Variants in FUT9 observed in about 807,000 individuals in gnomAD.
The protein encoded by FUT9 is 4-galactosyl-N-acetylglucosaminide 3-alpha-L-fucosyltransferase 9.
In FUT9, 15 loss-of-function variants were observed where a neutral mutation model predicts 29.7. The ratio of observed to expected loss-of-function variants is 0.51; its 90% CI spans 0.34 to 0.78. The LOEUF (loss-of-function observed/expected upper bound fraction) is 0.78. Ranked by LOEUF, FUT9 falls within the 30% of genes least tolerant of loss-of-function variation. The probability of loss-of-function intolerance (pLI) is 0.01; values close to 1 mark genes in which losing one functional copy is unlikely to be tolerated. For synonymous variants in FUT9, 169 were observed against 153.7 expected, an observed-to-expected ratio of 1.10 and a Z score of -0.74; for missense variants, 319 against 425.4, an observed-to-expected ratio of 0.75 and a Z score of 2.20.
chr6:96,068,392 G>C (rs960646793), intron 1 of FUT9, among the ~76,000 whole-genome samples: 1 of 152,092 alleles, frequency 6.6e-6, no homozygotes, highest in African/African-American at 2.4e-5. Flanking sequence ...ATGCAAAGAC[G>C]GGTGAGTTAA....
chr6:96,068,084 A>T (rs1770993553), intron 1 of FUT9, among the ~76,000 whole-genome samples: 1 of 152,274 alleles, frequency 6.6e-6, no homozygotes, highest in Middle Eastern at 3.4e-3. Context: ...ATTTTGAAGA[A>T]AATATAATGA....
At chr6:96,025,190 TC>T (rs1770142860) in intron 1 of FUT9, among the ~76,000 whole-genome samples, 1 of 151,760 alleles carries the variant, frequency 6.6e-6, no homozygotes. Context: ...GGTAGAAGCT[TC>T]TGCCTACCCA....
chr6:96,098,453 C>T (rs546897053), intron 1 of FUT9, among the ~76,000 whole-genome samples: 2 of 152,258 alleles, frequency 1.3e-5, no homozygotes, highest in South Asian at 4.1e-4. Context: ...ACCTAAAAGA[C>T]TATAGCTAGC....
chr6:96,087,520 C>T (rs1432059609), intron 1 of FUT9, among the ~76,000 whole-genome samples: 1 of 151,974 alleles, frequency 6.6e-6, no homozygotes, highest in Non-Finnish European at 1.5e-5. Context: ...GCGCGTGCCA[C>T]AATGCCCAGC....
intron 2 of FUT9, among the ~76,000 whole-genome samples, chr6:96,201,696 T>C (rs1320979365): frequency 6.6e-6 from 1 of 151,982 alleles, no homozygotes; most frequent in Non-Finnish European, 1.5e-5. Flanking sequence ...ATTCCAAGGA[T>C]TGATTAATAA....
chr6:96,172,071 G>A (rs1352334583), intron 2 of FUT9, among the ~76,000 whole-genome samples: 2 of 152,104 alleles, frequency 1.3e-5, no homozygotes, highest in East Asian at 3.9e-4. Context: ...CAAGATCAGG[G>A]TGTGAGCTTG....
At chr6:96,121,476 G>A (rs1395070079) in intron 2 of FUT9, among the ~76,000 whole-genome samples, 1 of 152,160 alleles carries the variant, frequency 6.6e-6, no homozygotes, top group Non-Finnish European at 1.5e-5. Context: ...ACACTGTGGA[G>A]TGAATATTTA....
chr6:96,080,693 G>A (rs554427774), intron 1 of FUT9, among the ~76,000 whole-genome samples: 1 of 151,974 alleles, frequency 6.6e-6, no homozygotes, highest in Admixed American at 6.6e-5. Flanking sequence ...TTCCTAAAGT[G>A]GTCATATCCA....
At chr6:96,175,390 C>T (rs1773185499) in intron 2 of FUT9, among the ~76,000 whole-genome samples, 1 of 152,110 alleles carries the variant, frequency 6.6e-6, no homozygotes, top group Non-Finnish European at 1.5e-5. Context: ...AAAATACATC[C>T]CCAATACTAC....
intron 1 of FUT9, among the ~76,000 whole-genome samples, chr6:96,051,153 C>A (rs1000009473): frequency 1.3e-5 from 2 of 151,974 alleles, no homozygotes; most frequent in Admixed American, 6.6e-5. Context: ...AAAAAAATGG[C>A]TAAACATTAT....
intron 2 of FUT9, among the ~76,000 whole-genome samples, chr6:96,194,475 T>C (rs1025156556): frequency 2.6e-5 from 4 of 152,064 alleles, no homozygotes; most frequent in Admixed American, 2.6e-4. Context: ...CATACAAGAA[T>C]TGATAGACAT....
chr6:96,044,598 C>G (rs1770525412), intron 1 of FUT9, among the ~76,000 whole-genome samples: 2 of 152,172 alleles, frequency 1.3e-5, no homozygotes, highest in Admixed American at 1.3e-4. Flanking sequence ...ATAATTGAAA[C>G]TCTTAGACTA....
At chr6:96,137,975 A>C (rs572101402) in intron 2 of FUT9, among the ~76,000 whole-genome samples, 9 of 138,346 alleles carry the variant, frequency 6.5e-5, no homozygotes, top group African/African-American at 2.0e-4. Flanking sequence ...GGAACATCCC[A>C]CTTATGACTA....
intron 1 of FUT9, among the ~76,000 whole-genome samples, chr6:96,078,381 T>G: frequency 6.7e-6 from 1 of 150,206 alleles, no homozygotes; most frequent in African/African-American, 2.4e-5. Context: ...TGTGCTTGCT[T>G]TGATCTCTTT....
At chr6:96,060,782 C>G (rs1444043823) in intron 1 of FUT9, among the ~76,000 whole-genome samples, 2 of 152,198 alleles carry the variant, frequency 1.3e-5, no homozygotes, top group African/African-American at 4.8e-5. Context: ...AAGTGATCTG[C>G]CTGCCTGGGC....
chr6:96,078,502 G>A (rs1771180961), intron 1 of FUT9, among the ~76,000 whole-genome samples: 2 of 127,808 alleles, frequency 1.6e-5, no homozygotes, highest in Admixed American at 2.0e-4. Flanking sequence ...CTCACTGCAA[G>A]CTCCGCCTCC....
At chr6:96,130,514 G>A (rs1349509470) in intron 2 of FUT9, among the ~76,000 whole-genome samples, 1 of 152,098 alleles carries the variant, frequency 6.6e-6, no homozygotes, top group African/African-American at 2.4e-5. Context: ...CTAAAAAGCA[G>A]AGACATTGTT....
chr6:96,177,778 A>G (rs1773230626), intron 2 of FUT9, among the ~76,000 whole-genome samples: 1 of 152,198 alleles, frequency 6.6e-6, no homozygotes. Context: ...AAACAATCCT[A>G]TAAGGTATTA....
At chr6:96,128,928 C>G (rs1159619443) in intron 2 of FUT9, among the ~76,000 whole-genome samples, 1 of 151,856 alleles carries the variant, frequency 6.6e-6, no homozygotes, top group African/African-American at 2.4e-5. Flanking sequence ...AGTTCAAGAT[C>G]AGCCTGCGCA....
Sources: allele counts gnomAD v4.1 joint callset (sites outside exome capture counted in the v4.1 genomes callset), GRCh38; gene constraint gnomAD v4.1.1; transcripts MANE v1.5; gene names NCBI Gene and HGNC (gene_info 2026-07-23, HGNC 2026-07-21).